TSPAN11: variants seen among roughly 807,000 people sequenced by gnomAD.
The protein encoded by TSPAN11 is tetraspanin-11.
Under a neutral mutation model 32.9 loss-of-function variants are expected in TSPAN11, and 29 were observed. That is an observed-to-expected ratio of 0.88 (90% CI 0.66 to 1.20). The LOEUF (loss-of-function observed/expected upper bound fraction) is 1.20. Ranked by LOEUF, TSPAN11 falls within the 50% of genes most tolerant of loss-of-function variation. TSPAN11 has a pLI of 0.00. For missense variants in TSPAN11, 283 were observed against 329.1 expected, an observed-to-expected ratio of 0.86 and a Z score of 1.08; for synonymous variants, 140 against 141.3, an observed-to-expected ratio of 0.99 and a Z score of 0.07.
chr12:30,936,299 G>A (rs1010654318), intron 1 of TSPAN11, among the ~76,000 whole-genome samples: 10 of 152,168 alleles, frequency 6.6e-5, no homozygotes, highest in African/African-American at 2.2e-4. Context: ...TAATGTGTCT[G>A]TCTTCCCAGC....
chr12:31,006,059 A>C, the TSPAN11 span: 6 of 153,860 alleles, frequency 3.9e-5, no homozygotes, highest in African/African-American at 1.2e-4. Context: ...ACAGGGCAGG[A>C]GGACGCCCAG....
the TSPAN11 span, among the ~76,000 whole-genome samples, chr12:31,010,187 A>G: frequency 6.6e-6 from 1 of 152,184 alleles, no homozygotes; most frequent in Non-Finnish European, 1.5e-5. Flanking sequence ...AGATGACATC[A>G]TGATCCCCTG....
chr12:30,945,470 T>C (rs1381744062), intron 1 of TSPAN11, among the ~76,000 whole-genome samples: 2 of 151,918 alleles, frequency 1.3e-5, no homozygotes, highest in Admixed American at 1.3e-4. Flanking sequence ...AAAAATCAGC[T>C]CCCAAGCACT....
At chr12:31,006,967 A>C in the TSPAN11 span, among the ~76,000 whole-genome samples, 11 of 152,176 alleles carry the variant, frequency 7.2e-5, no homozygotes, top group East Asian at 2.1e-3. Flanking sequence ...TTCTACCCGC[A>C]CTTGCACGCT....
intron 2 of TSPAN11, among the ~76,000 whole-genome samples, chr12:30,962,223 C>T (rs1286841600): frequency 6.6e-6 from 1 of 152,196 alleles, no homozygotes. Context: ...AGATGGTGTC[C>T]TTCCACCTGG....
chr12:30,936,080 T>C (rs1185301674), intron 1 of TSPAN11, among the ~76,000 whole-genome samples: 2 of 152,258 alleles, frequency 1.3e-5, no homozygotes, highest in African/African-American at 2.4e-5. Flanking sequence ...TGGGTGACTC[T>C]AAGTCTCATT....
chr12:30,926,993 G>A (rs1411828435), intron 1 of TSPAN11, 197 bp downstream of exon 1: 2 of 1,283,076 alleles, frequency 1.6e-6, no homozygotes, highest in African/African-American at 1.5e-5. Flanking sequence ...ACACTCGCGG[G>A]GCATGTGAGC....
chr12:30,967,598 A>G (rs1938759089), intron 3 of TSPAN11, among the ~76,000 whole-genome samples: 1 of 151,804 alleles, frequency 6.6e-6, no homozygotes, highest in South Asian at 2.1e-4. Flanking sequence ...GGTCCAAGTC[A>G]CTAAACAGAC....
Position 30,991,976 on chromosome 12 carries a change from C to G in TSPAN11, c.*61C>G, listed in dbSNP as rs2140315183. ...ACAACATGTGGCCACATGCCATCTG[C>G]AAGGCCTGCAGAGTTAGCACCAGCT... On this transcript the variant is annotated 3_prime_UTR_variant, in exon 8 of 8. Coordinates refer to ENST00000546076, the MANE Select transcript of TSPAN11 (RefSeq NM_001370302.1). 6.3e-7 allele frequency: 1 copy of G among 1,585,862 alleles called. No individual in the cohort carries two copies. The highest frequency in any genetic ancestry group is 2.2e-5 in the East Asian group (1 of 44,714).
In TSPAN11 at chr12:30,931,739, G is replaced by A. The variant is rs138184581; in HGVS notation, c.-12+4943G>A. Among the ~76,000 whole-genome samples, 138 of 151,984 alleles carry A rather than the reference G, an allele frequency of 9.1e-4. 1 individual carries two copies. In the East Asian group the frequency reaches 0.023, roughly 25 times the overall value. ...TATTAAAAATACAAAAATTAGCTGC[G>A]TGTGGTGGTAGGTGCCTGTAATCCC... On this transcript the variant is annotated intron_variant, in intron 1 of 7. Coordinates refer to ENST00000546076, the MANE Select transcript of TSPAN11 (RefSeq NM_001370302.1).
intron 7 of TSPAN11, among the ~76,000 whole-genome samples, chr12:30,989,369 C>T (rs921362089): frequency 2.6e-5 from 4 of 152,212 alleles, no homozygotes; most frequent in South Asian, 2.1e-4. Flanking sequence ...GAGGGAATAG[C>T]GTGTGCAAAG....
At chr12:30,999,906 C>A (rs1004671093), downstream of TSPAN11, among the ~76,000 whole-genome samples, 1 of 152,080 alleles carries the variant, frequency 6.6e-6, no homozygotes, top group Non-Finnish European at 1.5e-5. Context: ...AGGTCTGTCC[C>A]CGCTGGCTCT....
At chr12:30,983,655 C>CG (rs1565803911) in intron 7 of TSPAN11, among the ~76,000 whole-genome samples, 1 of 152,022 alleles carries the variant, frequency 6.6e-6, no homozygotes. Context: ...GTTCTGCATC[C>CG]GTGAATTCAA....
At chr12:31,000,575 CA>C (rs1380422815), downstream of TSPAN11, among the ~76,000 whole-genome samples, 2 of 152,190 alleles carry the variant, frequency 1.3e-5, no homozygotes, top group Non-Finnish European at 2.9e-5. Flanking sequence ...GCCCAAGGTT[CA>C]CATGGACACC....
At chr12:30,982,824 G>T (rs1939121683) in intron 6 of TSPAN11, 134 bp downstream of exon 6, 3 of 1,326,876 alleles carry the variant, frequency 2.3e-6, no homozygotes, top group Non-Finnish European at 3.1e-6. Context: ...CGAGCCCACA[G>T]TGTCTGGGGC....
chr12:30,997,269 T>C (rs919531388), downstream of TSPAN11: 12 of 152,254 alleles, frequency 7.9e-5, no homozygotes, highest in African/African-American at 2.9e-4. Context: ...TCTTCTATAA[T>C]ATAAAACGGT....
chr12:30,958,658 C>G lies in TSPAN11; in HGVS notation c.84+4583C>G, dbSNP rs11831683. ...TGGTCTCCCAGTCCTCTCCCTGAGC[C>G]CCCATGCTGTGTTTGCTCCCCAAAC... On this transcript the variant is annotated intron_variant, in intron 2 of 7. Transcript: ENST00000546076. Among the ~76,000 whole-genome samples, 515 of 152,278 alleles carry G rather than the reference C, an allele frequency of 3.4e-3. 3 individuals carry two copies. The highest frequency in any genetic ancestry group is 0.012 in the African/African-American group (495 of 41,548).
chr12:30,960,590 C>A (rs1938592302), intron 2 of TSPAN11, among the ~76,000 whole-genome samples: 1 of 152,020 alleles, frequency 6.6e-6, no homozygotes, highest in Admixed American at 6.5e-5. Context: ...TAATGCTTCA[C>A]CCCATCATGT....
At chr12:30,998,782 G>A (rs1168387444), downstream of TSPAN11, 3 of 152,174 alleles carry the variant, frequency 2.0e-5, no homozygotes, top group Non-Finnish European at 2.9e-5. Context: ...AGCAACTTCC[G>A]CTGGACTTTT....
Sources: gnomAD v4.1 joint callset for allele counts (sites outside exome capture counted in the v4.1 genomes callset) on GRCh38, gnomAD v4.1.1 for gene constraint, MANE v1.5 for transcripts, NCBI Gene and HGNC (gene_info 2026-07-23, HGNC 2026-07-21) for gene names.